The following PLAC1 variants were observed in gnomAD, a reference collection of about 807,000 sequenced individuals.
The protein encoded by PLAC1 is placenta-specific protein 1.
For synonymous variants in PLAC1, 68 were observed against 62.1 expected (o/e 1.09, Z -0.44); for missense variants, 136 against 163.2 (o/e 0.83, Z 0.91).
chrX:134,690,870 A>G (rs1310973428), intron 2 of PLAC1, among the ~76,000 whole-genome samples: 1 of 92,516 alleles, frequency 1.1e-5, no homozygotes, highest in Non-Finnish European at 2.1e-5. Context: ...TGAATCCGGG[A>G]GGCGGAGATT....
intron 1 of PLAC1, among the ~76,000 whole-genome samples, chrX:134,602,814 A>G (rs997227627): frequency 2.7e-5 from 3 of 110,307 alleles, no homozygotes; most frequent in African/African-American, 9.9e-5. Flanking sequence ...GGAGAAGCCA[A>G]TTACAAAGGG....
chrX:134,567,965 C>T (rs1395713709), intron 2 of PLAC1, among the ~76,000 whole-genome samples: 1 of 111,431 alleles, frequency 9.0e-6, no homozygotes, highest in African/African-American at 3.3e-5. Flanking sequence ...TCTGTGGCCA[C>T]TTCCTAGTCC....
chrX:134,687,173 A>G (rs766120910), intron 2 of PLAC1, among the ~76,000 whole-genome samples: 1 of 111,658 alleles, frequency 9.0e-6, no homozygotes, highest in Non-Finnish European at 1.9e-5. Flanking sequence ...GTGTGTTACA[A>G]TTTCTTAATT....
chrX:134,703,885 G>A (rs1037674726), intron 2 of PLAC1, among the ~76,000 whole-genome samples: 3 of 108,084 alleles, frequency 2.8e-5, no homozygotes, highest in Non-Finnish European at 5.8e-5. Flanking sequence ...TTACTCAAAG[G>A]ATAAATCGAA....
At chrX:134,626,563 T>C (rs1439317988) in intron 1 of PLAC1, among the ~76,000 whole-genome samples, 1 of 112,063 alleles carries the variant, frequency 8.9e-6, no homozygotes, top group Non-Finnish European at 1.9e-5. Flanking sequence ...GCCTCAGCTA[T>C]CTTCTCTCCC....
At chrX:134,647,668 T>C (rs1602873088) in intron 1 of PLAC1, among the ~76,000 whole-genome samples, 1 of 111,383 alleles carries the variant, frequency 9.0e-6, no homozygotes, top group African/African-American at 3.3e-5. Context: ...GCTCCTCTCT[T>C]GCTTGAAAGG....
At chrX:134,753,544 C>T (rs781254545) in intron 1 of PLAC1, among the ~76,000 whole-genome samples, 10 of 110,361 alleles carry the variant, frequency 9.1e-5, no homozygotes, top group Non-Finnish European at 1.7e-4. Flanking sequence ...ACGACATCAA[C>T]TCTACTTCTC....
In PLAC1 at chrX:134,648,042, G is replaced by T. The variant is rs372365458; in HGVS notation, c.-131+10286C>A. ...TATGATTTTAAGGGCACTGAGTACA[G>T]ATAGCACCCCACCCCTCACCCCCAG... On this transcript the variant is annotated intron_variant, in intron 1 of 2. Transcript: ENST00000359237. Among the ~76,000 whole-genome samples the T allele has an allele frequency of 2.8e-4, 31 of 111,755 alleles. No individual in the cohort carries two copies. In the East Asian group the frequency reaches 5.7e-3, roughly 20 times the overall value.
Position 134,673,096 on chromosome X carries a change from T to G in PLAC1, n.174+60339A>C, listed in dbSNP as rs1008023224. ...AGAGAAACATCTCAGGCTTGTGAAC[T>G]TGCTGAAATTAAACTGGGTGAGCCT... On this transcript the variant is annotated intron_variant and non_coding_transcript_variant, in intron 2 of 2. Transcript: ENST00000466797. Among the ~76,000 whole-genome samples, 14 of 111,995 alleles carry G rather than the reference T, an allele frequency of 1.3e-4. 1 individual carries two copies. The Admixed American group carries it at 1.3e-3, about 11-fold the overall frequency.
intron 2 of PLAC1, among the ~76,000 whole-genome samples, chrX:134,585,190 A>G (rs2077993864): frequency 9.8e-6 from 1 of 101,756 alleles, no homozygotes; most frequent in Non-Finnish European, 2.0e-5. Context: ...AAAAAAAAAA[A>G]AAAAAAAAAG....
intron 2 of PLAC1, among the ~76,000 whole-genome samples, chrX:134,575,444 CA>C (rs1244138148): frequency 1.3e-5 from 1 of 79,581 alleles, no homozygotes; most frequent in South Asian, 6.1e-4. Context: ...ACCCTGTCTC[CA>C]AAAAAAAACA....
intron 1 of PLAC1, among the ~76,000 whole-genome samples, chrX:134,758,284 A>T (rs2078761767): frequency 9.0e-6 from 1 of 111,725 alleles, no homozygotes; most frequent in Admixed American, 9.5e-5. Flanking sequence ...AATTCTTCAC[A>T]AAATTAGAAA....
At chrX:134,662,170 C>T (rs1341755876), upstream of PLAC1, among the ~76,000 whole-genome samples, 6 of 111,191 alleles carry the variant, frequency 5.4e-5, no homozygotes, top group Non-Finnish European at 1.9e-5. Context: ...GAGGTCAAGG[C>T]TGCAGTGAGC....
At chrX:134,590,328 C>T (rs2078031836) in intron 2 of PLAC1, among the ~76,000 whole-genome samples, 2 of 111,685 alleles carry the variant, frequency 1.8e-5, no homozygotes, top group South Asian at 3.7e-4. Flanking sequence ...CCAACATATA[C>T]GTACTGAGCA....
intron 1 of PLAC1, among the ~76,000 whole-genome samples, chrX:134,646,824 G>A (rs1569396584): frequency 8.9e-6 from 1 of 112,288 alleles, no homozygotes; most frequent in Non-Finnish European, 1.9e-5. Context: ...AAAGAGTGCC[G>A]ACTGTGCAGG....
At chrX:134,735,819 C>T (rs189140692) in intron 1 of PLAC1, among the ~76,000 whole-genome samples, 19 of 110,144 alleles carry the variant, frequency 1.7e-4, no homozygotes, top group Non-Finnish European at 2.3e-4. Context: ...AAATTTATGC[C>T]CCAACATAAT....
intron 1 of PLAC1, among the ~76,000 whole-genome samples, chrX:134,762,666 A>G (rs1010915119): frequency 9.2e-6 from 1 of 108,390 alleles, no homozygotes; most frequent in Admixed American, 9.9e-5. Flanking sequence ...CGTCTCTACT[A>G]AAAATACAAA....
intron 1 of PLAC1, chrX:134,607,026 T>C (rs903652205): frequency 8.9e-5 from 10 of 112,497 alleles, no homozygotes; most frequent in African/African-American, 2.6e-4. Flanking sequence ...TCTACATCTG[T>C]ACAAAATATT....
intron 2 of PLAC1, among the ~76,000 whole-genome samples, chrX:134,584,798 G>A (rs770439048): frequency 9.0e-6 from 1 of 111,224 alleles, no homozygotes; most frequent in South Asian, 3.8e-4. Flanking sequence ...TGAATTGCCT[G>A]TGTGACAAGC....
Sources: allele counts gnomAD v4.1 joint callset (sites outside exome capture counted in the v4.1 genomes callset), GRCh38; gene constraint gnomAD v4.1.1; transcripts MANE v1.5; gene names NCBI Gene and HGNC (gene_info 2026-07-23, HGNC 2026-07-21).